PTPRD: variants seen among roughly 807,000 people sequenced by gnomAD.
PTPRD encodes the protein receptor-type tyrosine-protein phosphatase delta.
A neutral mutation model predicts 214.5 loss-of-function variants in PTPRD; 34 were observed. The observed-to-expected ratio is 0.16, with a 90% CI of 0.12 to 0.21. PTPRD has a LOEUF of 0.21. PTPRD is among the 10% of genes least tolerant of loss of function. PTPRD has a pLI of 1.00. For missense variants in PTPRD, 2,545 were observed against 2,398.7 expected, an observed-to-expected ratio of 1.06 and a Z score of -1.27; for synonymous variants, 1,128 against 845.7, an observed-to-expected ratio of 1.33 and a Z score of -5.79.
At chr9:8,448,111 G>C (rs1440073022) in intron 34 of PTPRD, among the ~76,000 whole-genome samples, 1 of 151,954 alleles carries the variant, frequency 6.6e-6, no homozygotes, top group East Asian at 1.9e-4. Flanking sequence ...AGTTGCTGGA[G>C]CCCAGGAGTT....
chr9:8,439,335 CTCT>C (rs1223672385), intron 34 of PTPRD, among the ~76,000 whole-genome samples: 1 of 152,190 alleles, frequency 6.6e-6, no homozygotes, highest in Non-Finnish European at 1.5e-5. Flanking sequence ...AAGAGCCATT[CTCT>C]TCTTCATAAC....
intron 8 of PTPRD, among the ~76,000 whole-genome samples, chr9:9,505,280 A>AT (rs1424955133): frequency 1.3e-5 from 2 of 151,622 alleles, no homozygotes; most frequent in East Asian, 1.9e-4. Flanking sequence ...CAGTAGATCC[A>AT]TTTTTTTAAA....
chr9:9,214,881 G>T (rs1015774521), intron 9 of PTPRD, among the ~76,000 whole-genome samples: 1 of 152,130 alleles, frequency 6.6e-6, no homozygotes, highest in East Asian at 1.9e-4. Flanking sequence ...AGGAATTAAA[G>T]CCCAGAGATG....
At chr9:9,312,260 T>C (rs1315482203) in intron 9 of PTPRD, among the ~76,000 whole-genome samples, 1 of 152,178 alleles carries the variant, frequency 6.6e-6, no homozygotes, top group Non-Finnish European at 1.5e-5. Flanking sequence ...AGGTAGAATA[T>C]TGAAGCATCT....
chr9:8,549,943 G>T (rs1165438612), intron 14 of PTPRD, among the ~76,000 whole-genome samples: 1 of 152,000 alleles, frequency 6.6e-6, no homozygotes, highest in African/African-American at 2.4e-5. Context: ...ATAGTTCCTG[G>T]CATGAAGCAT....
At chr9:8,991,058 T>TAA (rs200708781) in intron 11 of PTPRD, among the ~76,000 whole-genome samples, 10 of 145,490 alleles carry the variant, frequency 6.9e-5, no homozygotes, top group African/African-American at 7.6e-5. Flanking sequence ...CTACCAAAAA[T>TAA]AAAAAAAAAA....
chr9:9,914,025 G>T (rs531988159), intron 5 of PTPRD, among the ~76,000 whole-genome samples: 1 of 152,258 alleles, frequency 6.6e-6, no homozygotes, highest in East Asian at 1.9e-4. Context: ...TGTGATTCTG[G>T]TCCTGTACAG....
At chr9:9,609,356 A>T (rs138835672) in intron 7 of PTPRD, among the ~76,000 whole-genome samples, 1 of 152,288 alleles carries the variant, frequency 6.6e-6, no homozygotes, top group African/African-American at 2.4e-5. Context: ...AACATTTCCC[A>T]TGCTACCTTA....
chr9:9,001,205 C>T (rs1457434004), intron 11 of PTPRD, among the ~76,000 whole-genome samples: 2 of 151,956 alleles, frequency 1.3e-5, no homozygotes, highest in African/African-American at 2.4e-5. Flanking sequence ...TGTTCTAGGT[C>T]CTGGGGTTGC....
intron 8 of PTPRD, among the ~76,000 whole-genome samples, chr9:9,440,321 T>C (rs980538985): frequency 2.0e-5 from 3 of 152,210 alleles, no homozygotes; most frequent in African/African-American, 4.8e-5. Flanking sequence ...GGTTTGTCCA[T>C]TTGCTTTGTC....
chr9:9,025,912 T>C (rs370307853), intron 10 of PTPRD, among the ~76,000 whole-genome samples: 28 of 152,060 alleles, frequency 1.8e-4, no homozygotes, highest in African/African-American at 6.0e-4. Context: ...ATCTACCATG[T>C]GTTCTTTTCT....
At chr9:10,366,948 CT>C (rs962610149) in intron 2 of PTPRD, among the ~76,000 whole-genome samples, 1 of 152,024 alleles carries the variant, frequency 6.6e-6, no homozygotes, top group African/African-American at 2.4e-5. Context: ...AGTTTCTTGG[CT>C]TTATTTCATG....
In PTPRD at chr9:9,914,747, G is replaced by A. The variant is rs138657303; in HGVS notation, c.-368+23760C>T. Among the ~76,000 whole-genome samples, 124 of 152,218 alleles carry A rather than the reference G, an allele frequency of 8.1e-4. No individual in the cohort carries two copies. The East Asian group carries it at 0.012, about 15-fold the overall frequency. The stretch of plus-strand genomic sequence containing the variant: ...GCTGACTACCAGCAGACACACTCCC[G>A]GGCCAGCTGAGCCTGCTTGTGCTCA... On this transcript the variant is annotated intron_variant, in intron 5 of 45. Coordinates refer to ENST00000381196, the MANE Select transcript of PTPRD (RefSeq NM_002839.4).
intron 5 of PTPRD, among the ~76,000 whole-genome samples, chr9:9,903,334 T>A (rs923180652): frequency 2.0e-5 from 3 of 152,168 alleles, no homozygotes; most frequent in African/African-American, 7.2e-5. Context: ...TTAAAGACCA[T>A]TAGCACTCTA....
At chr9:10,458,236 C>T (rs2098932217) in intron 2 of PTPRD, among the ~76,000 whole-genome samples, 1 of 151,974 alleles carries the variant, frequency 6.6e-6, no homozygotes, top group African/African-American at 2.4e-5. Flanking sequence ...ACAAAGATAT[C>T]CCAAGGAAAG....
chr9:8,526,719 G>C, intron 16 of PTPRD, 75 bp from the exon 17 acceptor site: 1 of 1,216,066 alleles, frequency 8.2e-7, no homozygotes, highest in Non-Finnish European at 1.2e-6. Context: ...GCTAGGGCTG[G>C]GGAGAAGAAT....
chr9:8,536,408 TACAC>T (rs138968657), intron 14 of PTPRD, among the ~76,000 whole-genome samples: 1 of 151,832 alleles, frequency 6.6e-6, no homozygotes. Flanking sequence ...TATACATACA[TACAC>T]ACACACATAT....
intron 7 of PTPRD, among the ~76,000 whole-genome samples, chr9:9,666,287 G>T (rs960869990): frequency 1.3e-5 from 2 of 151,818 alleles, no homozygotes; most frequent in Admixed American, 1.3e-4. Context: ...AGGATGAGTA[G>T]GACTATATTT....
At chr9:8,403,154 G>C (rs1043795909) in intron 36 of PTPRD, among the ~76,000 whole-genome samples, 2 of 152,128 alleles carry the variant, frequency 1.3e-5, no homozygotes, top group African/African-American at 2.4e-5. Flanking sequence ...ATAAATTTTG[G>C]ACGTTGAGGA....
Sources: gnomAD v4.1 joint callset for allele counts (sites outside exome capture counted in the v4.1 genomes callset) on GRCh38, gnomAD v4.1.1 for gene constraint, MANE v1.5 for transcripts, NCBI Gene and HGNC (gene_info 2026-07-23, HGNC 2026-07-21) for gene names.